Variants in PKD1L1 observed in about 807,000 individuals in gnomAD.
PKD1L1 encodes the protein polycystin 1 like 1, transient receptor potential channel interacting.
A neutral mutation model predicts 323.4 loss-of-function variants in PKD1L1; 236 were observed. The observed-to-expected ratio is 0.73, with a 90% CI of 0.66 to 0.81. The LOEUF (loss-of-function observed/expected upper bound fraction) is 0.81. Among genes scored for constraint, PKD1L1 ranks in the 40% least tolerant of loss-of-function variants. The probability of loss-of-function intolerance (pLI) is 0.00; values close to 1 mark genes in which losing one functional copy is unlikely to be tolerated. For missense variants in PKD1L1, 3,320 were observed against 3,508.0 expected (o/e 0.95, Z 1.35); for synonymous variants, 1,344 against 1,335.0 (o/e 1.01, Z -0.15).
intron 31 of PKD1L1, among the ~76,000 whole-genome samples, chr7:47,849,742 A>G (rs1157014506): frequency 6.6e-6 from 1 of 152,204 alleles, no homozygotes; most frequent in Non-Finnish European, 1.5e-5. Flanking sequence ...GCCTGTGGGA[A>G]TGTAAACTAG....
intron 45 of PKD1L1, among the ~76,000 whole-genome samples, chr7:47,825,881 A>G (rs1224268611): frequency 6.6e-6 from 1 of 152,218 alleles, no homozygotes; most frequent in East Asian, 1.9e-4. Flanking sequence ...TTTATAACCT[A>G]ATACTTTACT....
the PKD1L1 span, among the ~76,000 whole-genome samples, chr7:47,955,640 T>C: frequency 6.6e-6 from 1 of 152,230 alleles, no homozygotes. Flanking sequence ...CAATCCCCAA[T>C]TAATTCATAA....
chr7:47,848,383 G>A (rs1307657439), intron 31 of PKD1L1, among the ~76,000 whole-genome samples: 1 of 152,152 alleles, frequency 6.6e-6, no homozygotes, highest in East Asian at 1.9e-4. Flanking sequence ...TACATACGGA[G>A]TGATTTCTAA....
At chr7:47,887,279 G>A (rs1361679941) in intron 17 of PKD1L1, among the ~76,000 whole-genome samples, 1 of 152,200 alleles carries the variant, frequency 6.6e-6, no homozygotes, top group Non-Finnish European at 1.5e-5. Flanking sequence ...GTCAGCGGGG[G>A]CTTGGCACCA....
chr7:47,921,044 G>T (rs912523646), intron 7 of PKD1L1, among the ~76,000 whole-genome samples: 4 of 152,046 alleles, frequency 2.6e-5, no homozygotes, highest in African/African-American at 9.7e-5. Context: ...AAATAGTTGG[G>T]AGTTAATTAA....
intron 37 of PKD1L1, 115 bp downstream of exon 37, chr7:47,836,806 C>T (rs1293634088): frequency 1.6e-6 from 2 of 1,286,678 alleles, no homozygotes; most frequent in Non-Finnish European, 2.1e-6. Flanking sequence ...AGGCTTGCTT[C>T]CCCTGGTTTA....
rs767897747 is a variant in PKD1L1, at chr7:47,792,809, A to G, written c.8356-12T>C. 6 of 1,605,616 alleles carry G rather than the reference A, an allele frequency of 3.7e-6. No homozygotes were observed. The highest frequency in any genetic ancestry group is 3.4e-6 in the Non-Finnish European group (4 of 1,172,704). ...TCCAAGTAGTAATTCTGAAGGGAAG[A>G]AAATTAGATTAGTAAATGCATTCAA... On this transcript the variant is annotated splice_polypyrimidine_tract_variant and intron_variant, in intron 55 of 56. Transcript: ENST00000289672.
In PKD1L1 at chr7:47,893,866, G is replaced by T. The variant is rs775814056; in HGVS notation, c.2453+12C>A. 8 of 1,611,034 alleles carry T rather than the reference G, an allele frequency of 5.0e-6. No individual in the cohort carries two copies. The South Asian group carries it at 7.7e-5, about 16-fold the overall frequency. On this transcript the variant is annotated intron_variant, in intron 15 of 56. Transcript: ENST00000289672. ...GAGTAGCTGCGCAGCTCTGTGTGGG[G>T]GTGGTGCTCACCTGAGAGTCGCCCC...
intron 17 of PKD1L1, 140 bp downstream of exon 17, chr7:47,887,850 G>A: frequency 2.6e-6 from 2 of 782,738 alleles, no homozygotes; most frequent in Non-Finnish European, 4.0e-6. Context: ...AAGAGGGGCT[G>A]GGGAAGCACG....
intron 49 of PKD1L1, 141 bp downstream of exon 49, chr7:47,812,980 G>T: frequency 1.0e-6 from 1 of 955,568 alleles, no homozygotes; most frequent in Non-Finnish European, 1.6e-6. Context: ...AAGTCTGGCT[G>T]GAGCCCCTGG....
chr7:47,810,786 A>G (rs1280211989), intron 50 of PKD1L1, among the ~76,000 whole-genome samples: 3 of 152,238 alleles, frequency 2.0e-5, no homozygotes, highest in Non-Finnish European at 4.4e-5. Flanking sequence ...TGTTCAGTGA[A>G]GCTATGTGGA....
At chr7:47,847,309 G>C (rs563999903) in intron 31 of PKD1L1, among the ~76,000 whole-genome samples, 4 of 152,240 alleles carry the variant, frequency 2.6e-5, no homozygotes, top group African/African-American at 9.6e-5. Context: ...TAGAGAATTG[G>C]GAAGAAAAAC....
intron 24 of PKD1L1, among the ~76,000 whole-genome samples, chr7:47,867,802 A>T (rs1786198368): frequency 6.6e-6 from 1 of 152,210 alleles, no homozygotes; most frequent in African/African-American, 2.4e-5. Context: ...AATGGAAATT[A>T]TGAAGTTATA....
chr7:47,947,830 G>T (rs1342385725), intron 1 of PKD1L1, among the ~76,000 whole-genome samples: 1 of 151,918 alleles, frequency 6.6e-6, no homozygotes, highest in Non-Finnish European at 1.5e-5. Flanking sequence ...AGTCGGGCGT[G>T]GTGGTGGGCG....
At chr7:47,819,508 A>T (rs1443772242) in intron 46 of PKD1L1, 1 of 1,341,096 alleles carries the variant, frequency 7.5e-7, no homozygotes, top group Non-Finnish European at 9.9e-7. Flanking sequence ...TGCACACAGC[A>T]CCACCTACTG....
At chr7:47,873,156 G>T (rs948381217) in intron 24 of PKD1L1, among the ~76,000 whole-genome samples, 5 of 152,132 alleles carry the variant, frequency 3.3e-5, no homozygotes, top group African/African-American at 4.8e-5. Flanking sequence ...TCCGGGGCCG[G>T]TGGGAGGAAG....
In PKD1L1 at chr7:47,881,963, C is replaced by G; in HGVS notation, c.3388G>C (p.Asp1130His). The change falls in exon 20 of 57, where the codon GAC (aspartate) becomes CAC (histidine). Residue 1130 changes from aspartate (D) to histidine (H), a missense_variant. Asp to His is a moderately conservative substitution (Grantham distance 81, BLOSUM62 -1). Coordinates refer to ENST00000289672, the MANE Select transcript of PKD1L1 (RefSeq NM_138295.5). ...AGRAEPVLMIDWPKALLGRAV... is the reference protein window; with the variant it reads ...AGRAEPVLMIHWPKALLGRAV... ...CGACCCAGCAGGGCCTTGGGCCAGTCAATCATGAGGACAGGCTCGGCTCTG... is the reference window on the plus strand; with the variant it reads ...CGACCCAGCAGGGCCTTGGGCCAGTGAATCATGAGGACAGGCTCGGCTCTG... The G allele has an allele frequency of 1.2e-6, 2 of 1,613,742 alleles. No individual in the cohort carries two copies. Among genetic ancestry groups the G allele is most frequent in the Non-Finnish European group, 1.7e-6 (2 of 1,179,898 alleles).
At chr7:47,955,093 C>T in the PKD1L1 span, among the ~76,000 whole-genome samples, 1 of 152,196 alleles carries the variant, frequency 6.6e-6, no homozygotes, top group Non-Finnish European at 1.5e-5. Context: ...TCACTCTGCC[C>T]TCACTGCAAA....
chr7:47,910,826 T>TGTGTG (rs1787306171), intron 8 of PKD1L1, among the ~76,000 whole-genome samples: 1 of 126,082 alleles, frequency 7.9e-6, no homozygotes, highest in Non-Finnish European at 1.6e-5. Flanking sequence ...CCAGCTGATT[T>TGTGTG]TGTGTGTGTG....
Sources: gnomAD v4.1 joint callset for allele counts (sites outside exome capture counted in the v4.1 genomes callset) on GRCh38, gnomAD v4.1.1 for gene constraint, MANE v1.5 for transcripts, NCBI Gene and HGNC (gene_info 2026-07-23, HGNC 2026-07-21) for gene names.